CLCN5: variants seen among roughly 807,000 people sequenced by gnomAD.
CLCN5 encodes the protein H(+)/Cl(-) exchange transporter 5.
A neutral mutation model predicts 54.0 loss-of-function variants in CLCN5; 17 were observed. That is an observed-to-expected ratio of 0.31 (90% CI 0.22 to 0.47). CLCN5 has a LOEUF of 0.47. Among genes scored for constraint, CLCN5 ranks in the 20% least tolerant of loss-of-function variants. The probability of loss-of-function intolerance (pLI) is 1.00; values close to 1 mark genes in which losing one functional copy is unlikely to be tolerated. For missense variants in CLCN5, 448 were observed against 646.7 expected, an observed-to-expected ratio of 0.69 and a Z score of 3.33; for synonymous variants, 222 against 233.0, an observed-to-expected ratio of 0.95 and a Z score of 0.43.
chrX:50,032,904 G>A (rs1169859136), intron 3 of CLCN5, among the ~76,000 whole-genome samples: 1 of 111,241 alleles, frequency 9.0e-6, no homozygotes, highest in Admixed American at 9.5e-5. Flanking sequence ...TGTATAAGGT[G>A]TAAGGAAGAG....
At chrX:49,989,500 C>G (rs1929153330) in intron 3 of CLCN5, among the ~76,000 whole-genome samples, 3 of 112,104 alleles carry the variant, frequency 2.7e-5, no homozygotes, top group Non-Finnish European at 3.8e-5. Flanking sequence ...ATATGTTTCT[C>G]TCCTCCAAAA....
In CLCN5 at chrX:50,081,866, A is replaced by G; in HGVS notation, c.933+19A>G. 1 of 1,170,426 alleles carries G rather than the reference A, an allele frequency of 8.5e-7. No individual in the cohort carries two copies. Among genetic ancestry groups the G allele is most frequent in the Non-Finnish European group, 1.2e-6 (1 of 861,690 alleles). On this transcript the variant is annotated intron_variant, in intron 9 of 14. Coordinates refer to ENST00000376091, the MANE Select transcript of CLCN5 (RefSeq NM_001127898.4). ...CAGAGAGGTAATAATGAATGGCCTT[A>G]ATAGTCTCTTTTTGGTTGTGAGCAT...
chrX:49,939,888 A>G (rs1926236652), intron 3 of CLCN5, among the ~76,000 whole-genome samples: 1 of 111,571 alleles, frequency 9.0e-6, no homozygotes, highest in South Asian at 3.8e-4. Flanking sequence ...TCTTATATAC[A>G]GGTACTTAGA....
chrX:50,086,687 G>A lies in CLCN5; in HGVS notation c.1374G>A (p.Leu458=), dbSNP rs782116045. The part of the protein sequence containing the change: ...RMSTSELISE[L]FNDCGLLDSS... ...GCACAAGTGAGCTCATTTCTGAGCT[G>A]TTTAATGACTGTGGCCTTCTGGACT... is the stretch of plus-strand genomic sequence containing the variant. Residue 458 remains leucine, a synonymous_variant, in exon 11 of 15, where the codon CTG becomes CTA. Coordinates refer to ENST00000376091, the MANE Select transcript of CLCN5 (RefSeq NM_001127898.4). 1 of 1,211,178 alleles carries A rather than the reference G, an allele frequency of 8.3e-7. No homozygotes were observed. The highest frequency in any genetic ancestry group is 1.1e-6 in the Non-Finnish European group (1 of 895,400).
intron 3 of CLCN5, among the ~76,000 whole-genome samples, chrX:49,971,867 G>A (rs1292006115): frequency 8.9e-6 from 1 of 112,013 alleles, no homozygotes; most frequent in African/African-American, 3.2e-5. Flanking sequence ...GCTTTAACAA[G>A]TATTTTTTGC....
chrX:50,083,422 G>A (rs782192889), intron 9 of CLCN5, among the ~76,000 whole-genome samples: 2 of 111,686 alleles, frequency 1.8e-5, no homozygotes, highest in South Asian at 7.5e-4. Context: ...TTGTTAAATG[G>A]GAATGACATT....
At chrX:50,041,364 C>G (rs1360694257) in intron 3 of CLCN5, among the ~76,000 whole-genome samples, 1 of 111,594 alleles carries the variant, frequency 9.0e-6, no homozygotes, top group Non-Finnish European at 1.9e-5. Flanking sequence ...CTTTTAAAAA[C>G]TAAATAAATC....
intron 3 of CLCN5, among the ~76,000 whole-genome samples, chrX:49,956,875 A>T (rs1303004115): frequency 9.0e-6 from 1 of 111,704 alleles, no homozygotes; most frequent in Non-Finnish European, 1.9e-5. Context: ...CTTATTTGGG[A>T]TATACTCAGG....
intron 11 of CLCN5, among the ~76,000 whole-genome samples, chrX:50,088,051 A>G (rs1254147045): frequency 1.8e-5 from 2 of 112,310 alleles, no homozygotes; most frequent in Non-Finnish European, 3.8e-5. Context: ...CTTTCTTGAT[A>G]CTGTTACAAA....
intron 4 of CLCN5, among the ~76,000 whole-genome samples, chrX:50,062,920 A>C (rs1180721542): frequency 9.2e-6 from 1 of 109,093 alleles, no homozygotes; most frequent in South Asian, 3.9e-4. Context: ...TGGGTAAATA[A>C]CGAAATGAAG....
Position 50,093,178 on chromosome X carries a change from T to A in CLCN5, c.*959T>A, listed in dbSNP as rs1421696043. The A allele has an allele frequency of 2.7e-5, 3 of 112,115 alleles. No homozygotes were observed. The highest frequency in any genetic ancestry group is 6.5e-5 in the African/African-American group (2 of 30,825). 9.2% of individuals were successfully genotyped at this position (112,115 alleles called of 1,213,427 possible). A position where few individuals can be genotyped will look rare whatever the true frequency, so the allele number is the denominator to read the frequency against. On this transcript the variant is annotated 3_prime_UTR_variant, in exon 15 of 15. Transcript: ENST00000376091. ...TGGTGCTTTAGGCTTCTGGAATATG[T>A]AAAAACAGCAAAGGGAACCAAGTCT...
At chrX:49,980,783 T>TTGC (rs1928694209) in intron 3 of CLCN5, among the ~76,000 whole-genome samples, 1 of 111,704 alleles carries the variant, frequency 9.0e-6, no homozygotes. Context: ...AGGGTTTTCA[T>TTGC]TGCTGATAAG....
intron 7 of CLCN5, among the ~76,000 whole-genome samples, chrX:50,077,169 A>C (rs1933436327): frequency 8.9e-6 from 1 of 111,887 alleles, no homozygotes; most frequent in South Asian, 3.7e-4. Flanking sequence ...GGAGGATAGA[A>C]AAAGAATAAA....
At chrX:50,028,608 G>GT (rs1201380175) in intron 3 of CLCN5, among the ~76,000 whole-genome samples, 1 of 111,903 alleles carries the variant, frequency 8.9e-6, no homozygotes, top group Non-Finnish European at 1.9e-5. Context: ...GGGGGAAGCA[G>GT]TTTGCCCTGT....
chrX:49,928,478 C>T (rs1052989517), intron 3 of CLCN5, among the ~76,000 whole-genome samples: 3 of 111,710 alleles, frequency 2.7e-5, no homozygotes, highest in African/African-American at 6.5e-5. Flanking sequence ...TAGCAATAGC[C>T]GTTATTACTA....
intron 14 of CLCN5, among the ~76,000 whole-genome samples, chrX:50,091,861 G>C (rs1380366418): frequency 3.6e-5 from 4 of 112,206 alleles, no homozygotes; most frequent in Non-Finnish European, 5.6e-5. Flanking sequence ...CAGTAGATAA[G>C]ATTCAGATAT....
At chrX:49,942,136 G>C (rs1557171058) in intron 3 of CLCN5, among the ~76,000 whole-genome samples, 1 of 66,818 alleles carries the variant, frequency 1.5e-5, no homozygotes, top group Admixed American at 1.8e-4. Flanking sequence ...TTTTAATCTT[G>C]ATTAATGTTA....
At chrX:50,035,386 T>A (rs1368915171) in intron 3 of CLCN5, among the ~76,000 whole-genome samples, 1 of 111,575 alleles carries the variant, frequency 9.0e-6, no homozygotes, top group Non-Finnish European at 1.9e-5. Context: ...CCTCCCCAAC[T>A]GGAATACTCC....
intron 3 of CLCN5, among the ~76,000 whole-genome samples, chrX:49,978,947 T>A (rs1207593521): frequency 9.0e-6 from 1 of 111,105 alleles, no homozygotes; most frequent in African/African-American, 3.3e-5. Flanking sequence ...TTGTTTTAAA[T>A]ACATCACTGG....
Sources: gnomAD v4.1 joint callset for allele counts (sites outside exome capture counted in the v4.1 genomes callset) on GRCh38, gnomAD v4.1.1 for gene constraint, MANE v1.5 for transcripts, NCBI Gene and HGNC (gene_info 2026-07-23, HGNC 2026-07-21) for gene names.